SCGB2B2: variants seen among roughly 807,000 people sequenced by gnomAD.
SCGB2B2 encodes secretoglobin family 2B member 2.
Under a neutral mutation model 7.6 loss-of-function variants are expected in SCGB2B2, and 11 were observed. The observed-to-expected ratio is 1.45, with a 90% CI of 0.91 to 2.40. SCGB2B2 has a LOEUF of 2.40. Among genes scored for constraint, SCGB2B2 ranks in the 30% most tolerant of loss-of-function variants. SCGB2B2 has a pLI of 0.00. For missense variants in SCGB2B2, 104 were observed against 115.4 expected, an observed-to-expected ratio of 0.90 and a Z score of 0.45; for synonymous variants, 50 against 48.6, an observed-to-expected ratio of 1.03 and a Z score of -0.12.
At chr19:34,652,795 T>A (rs2067193621) in intron 1 of SCGB2B2, among the ~76,000 whole-genome samples, 1 of 151,360 alleles carries the variant, frequency 6.6e-6, no homozygotes, top group Admixed American at 6.6e-5. Context: ...AAAAACAGTA[T>A]GAGGGTTCCT....
At chr19:34,673,508 CA>C in intron 1 of SCGB2B2, among the ~76,000 whole-genome samples, 1 of 152,240 alleles carries the variant, frequency 6.6e-6, no homozygotes, top group East Asian at 1.9e-4. Context: ...GAAGCTACAC[CA>C]TTAGTGAGCA....
rs978065792 is a variant in SCGB2B2, at chr19:34,594,513, G to A, written c.51C>T (p.Ser17=). The change falls in exon 2 of 4, where the codon AGC becomes AGT. Residue 17 remains serine (S), a synonymous_variant. Coordinates refer to ENST00000601241, the MANE Select transcript of SCGB2B2 (RefSeq NM_001025591.4). ...TCGCCTCTTTCTTACCCAGCTGGAC[G>A]CTGCAGATCAGAGCCAGCAGAAGAG... ...TCALLLALIC[S]VQLGDACLDI... 17 of 1,613,572 alleles carry A rather than the reference G, an allele frequency of 1.1e-5. No homozygotes were observed. The highest frequency in any genetic ancestry group is 4.0e-5 in the African/African-American group (3 of 74,904).
intron 1 of SCGB2B2, among the ~76,000 whole-genome samples, chr19:34,599,208 G>C (rs1326922761): frequency 2.0e-5 from 3 of 152,250 alleles, no homozygotes; most frequent in African/African-American, 7.2e-5. Flanking sequence ...CTGCTGAGCA[G>C]GGAGTAGTCC....
At chr19:34,658,714 C>G (rs921686501) in intron 1 of SCGB2B2, among the ~76,000 whole-genome samples, 4 of 148,446 alleles carry the variant, frequency 2.7e-5, no homozygotes, top group Non-Finnish European at 5.9e-5. Flanking sequence ...CTATTCCAAT[C>G]AACAGAAAAA....
intron 1 of SCGB2B2, among the ~76,000 whole-genome samples, chr19:34,651,096 T>C (rs2067151349): frequency 6.6e-6 from 1 of 151,444 alleles, no homozygotes. Flanking sequence ...AGAAGGAATG[T>C]AGCCCAACAC....
chr19:34,589,832 A>G (rs1288677090), downstream of SCGB2B2, among the ~76,000 whole-genome samples: 1 of 151,988 alleles, frequency 6.6e-6, no homozygotes, highest in East Asian at 1.9e-4. Context: ...ATCCTGAGGA[A>G]GGAGGATCAG....
intron 1 of SCGB2B2, among the ~76,000 whole-genome samples, chr19:34,628,394 G>T (rs1260481776): frequency 6.6e-6 from 1 of 151,730 alleles, no homozygotes; most frequent in African/African-American, 2.4e-5. Context: ...TAAGAAAAGA[G>T]AGAAGAATCA....
At chr19:34,673,425 A>G (rs1467654458) in intron 1 of SCGB2B2, among the ~76,000 whole-genome samples, 1 of 152,158 alleles carries the variant, frequency 6.6e-6, no homozygotes, top group Non-Finnish European at 1.5e-5. Context: ...AGACCCCAAG[A>G]GGGTTCTTGG....
At chr19:34,620,142 A>G (rs2145890676) in intron 1 of SCGB2B2, among the ~76,000 whole-genome samples, 1 of 152,266 alleles carries the variant, frequency 6.6e-6, no homozygotes, top group East Asian at 1.9e-4. Context: ...ACGTGTTCTC[A>G]ATATAATAAT....
chr19:34,666,912 C>T lies in SCGB2B2; in HGVS notation c.-2032+8718G>A, dbSNP rs543188013. Among the ~76,000 whole-genome samples, 3 of 152,064 alleles carry T rather than the reference C, an allele frequency of 2.0e-5. No individual in the cohort carries two copies. The South Asian group carries it at 6.2e-4, about 32-fold the overall frequency. On this transcript the variant is annotated intron_variant, in intron 1 of 3. Transcript: ENST00000601241. Reference sequence around the variant, plus strand: ...AGAAACTATGCCCGCAGCTCGTGACCGTCATGAACCAGTTTCTGACCGAGG... The same window carrying T: ...AGAAACTATGCCCGCAGCTCGTGACTGTCATGAACCAGTTTCTGACCGAGG...
At chr19:34,658,907 G>A (rs188539399) in intron 1 of SCGB2B2, among the ~76,000 whole-genome samples, 193 of 150,194 alleles carry the variant, frequency 1.3e-3, no homozygotes, top group African/African-American at 4.2e-3. Flanking sequence ...CTGGCAAACC[G>A]AATCCAGCAG....
chr19:34,659,495 T>C (rs1027519786), intron 1 of SCGB2B2, among the ~76,000 whole-genome samples: 2 of 151,980 alleles, frequency 1.3e-5, no homozygotes, highest in African/African-American at 4.8e-5. Flanking sequence ...ACACCAATAA[T>C]AGACAAACGG....
chr19:34,600,889 T>TATC (rs1185497088), intron 1 of SCGB2B2, among the ~76,000 whole-genome samples: 1 of 149,446 alleles, frequency 6.7e-6, no homozygotes, highest in Non-Finnish European at 1.5e-5. Context: ...TAATTAAATT[T>TATC]ATCAATGCTA....
intron 1 of SCGB2B2, chr19:34,635,562 G>T (rs949160474): frequency 4.2e-6 from 1 of 239,452 alleles, no homozygotes; most frequent in Non-Finnish European, 8.8e-6. Context: ...AGTAAGGCTA[G>T]AGTTATGACT....
rs1328428853 is a variant in SCGB2B2, at chr19:34,675,751, A to C, written c.-2153T>G. ...TCGCGGTGTGTGTTACAGCTCATAA[A>C]GGCGGTGCGTCTGGAGTCGTGCTGG... On this transcript the variant is annotated 5_prime_UTR_variant, in exon 1 of 4. Transcript: ENST00000601241. The C allele has an allele frequency of 6.6e-6, 1 of 152,596 alleles. No homozygotes were observed. Among genetic ancestry groups the C allele is most frequent in the African/African-American group, 2.4e-5 (1 of 41,280 alleles). 9.5% of individuals were successfully genotyped at this position (152,596 alleles called of 1,614,324 possible).
chr19:34,664,797 C>T (rs541476934), intron 1 of SCGB2B2, among the ~76,000 whole-genome samples: 4 of 152,252 alleles, frequency 2.6e-5, no homozygotes, highest in Admixed American at 2.6e-4. Flanking sequence ...CCCGCTGACC[C>T]CTCTGCCACT....
At chr19:34,621,010 A>T (rs2066227291) in intron 1 of SCGB2B2, among the ~76,000 whole-genome samples, 1 of 152,190 alleles carries the variant, frequency 6.6e-6, no homozygotes, top group African/African-American at 2.4e-5. Flanking sequence ...TGCAAAAAAA[A>T]GAGAATGTTC....
chr19:34,602,016 C>T (rs953412025), intron 1 of SCGB2B2, among the ~76,000 whole-genome samples: 2 of 152,092 alleles, frequency 1.3e-5, no homozygotes, highest in Non-Finnish European at 2.9e-5. Flanking sequence ...ACCCTTCATC[C>T]AGATTCAAAA....
intron 1 of SCGB2B2, among the ~76,000 whole-genome samples, chr19:34,630,952 A>C (rs944574810): frequency 2.0e-5 from 3 of 151,972 alleles, no homozygotes; most frequent in African/African-American, 7.3e-5. Flanking sequence ...TGATGAGTTC[A>C]TGTCCTTTGT....
Sources: allele counts gnomAD v4.1 joint callset (sites outside exome capture counted in the v4.1 genomes callset), GRCh38; gene constraint gnomAD v4.1.1; transcripts MANE v1.5; gene names NCBI Gene and HGNC (gene_info 2026-07-23, HGNC 2026-07-21).